The following VPS39 variants were observed in gnomAD, a reference collection of about 807,000 sequenced individuals.
The protein encoded by VPS39 is vam6/Vps39-like protein.
In VPS39, 70 loss-of-function variants were observed where a neutral mutation model predicts 121.0. The observed-to-expected ratio is 0.58, with a 90% CI of 0.48 to 0.71. The LOEUF (loss-of-function observed/expected upper bound fraction) is 0.71, where lower values mean the gene tolerates loss of function less well. Among genes scored for constraint, VPS39 ranks in the 30% least tolerant of loss-of-function variants. VPS39 has a pLI of 0.00. For synonymous variants in VPS39, 378 were observed against 398.1 expected, an observed-to-expected ratio of 0.95 and a Z score of 0.60; for missense variants, 818 against 1,051.5, an observed-to-expected ratio of 0.78 and a Z score of 3.07.
chr15:42,207,958 C>T, intron 1 of VPS39, 123 bp downstream of exon 1: 2 of 1,030,860 alleles, frequency 1.9e-6, no homozygotes, highest in East Asian at 2.6e-5. Context: ...ATCCTAAGCC[C>T]CTCTCGTGTA....
chr15:42,166,463 C>A, intron 15 of VPS39, 100 bp downstream of exon 15: 6 of 1,357,806 alleles, frequency 4.4e-6, no homozygotes, highest in Non-Finnish European at 4.1e-6. Context: ...TGAACACGAG[C>A]ACGGGAGGGA....
rs1028542073 is a variant in VPS39 at position 42,160,391 on chromosome 15, T to C, written c.*363A>G. The C allele has an allele frequency of 1.5e-5, 4 of 267,180 alleles. No homozygotes were observed. Among genetic ancestry groups the C allele is most frequent in the East Asian group, 1.5e-4 (2 of 13,024 alleles). The allele number at this position is 267,180 out of a possible 1,614,324, so 16.6% of individuals were successfully genotyped here. A position where few individuals can be genotyped will look rare whatever the true frequency, so the allele number is the denominator to read the frequency against. On this transcript the variant is annotated 3_prime_UTR_variant, in exon 25 of 25. Transcript: ENST00000318006. ...GGTCCTTGTGAAGTCATGTACTTAA[T>C]AGAAAAGCCCTTGATGAACAACCCC...
At chr15:42,173,449 A>G (rs1019304250) in intron 11 of VPS39, among the ~76,000 whole-genome samples, 1 of 152,236 alleles carries the variant, frequency 6.6e-6, no homozygotes, top group Admixed American at 6.5e-5. Context: ...CATTTGTTGA[A>G]CTGAATGACT....
Position 42,184,552 on chromosome 15 carries a change from C to T in VPS39, c.683G>A (p.Cys228Tyr). The T allele has an allele frequency of 6.2e-7, 1 of 1,613,486 alleles. No homozygotes were observed. Among genetic ancestry groups the T allele is most frequent in the Non-Finnish European group, 8.5e-7 (1 of 1,179,842 alleles). ...LNEEGICTQK[C>Y]ALNWTDIPVA... ...TGGTATGTCCGTCCAGTTCAGGGCA[C>T]ATTTCTGTGTGCAGATCCCTTCCTC... The change falls in exon 8 of 25, where the codon TGT becomes TAT. Residue 228 changes from cysteine to tyrosine, a missense_variant. Physicochemically the swap from Cys to Tyr is radical, Grantham distance 194 (BLOSUM62 -2). Coordinates refer to ENST00000318006, the MANE Select transcript of VPS39 (RefSeq NM_015289.5).
intron 1 of VPS39, among the ~76,000 whole-genome samples, chr15:42,202,693 T>G (rs1272217173): frequency 5.3e-5 from 8 of 152,198 alleles, no homozygotes; most frequent in African/African-American, 1.9e-4. Context: ...TTCTTTATCT[T>G]TTTTAATAGC....
At chr15:42,202,844 T>C (rs1390443394) in intron 1 of VPS39, among the ~76,000 whole-genome samples, 1 of 152,208 alleles carries the variant, frequency 6.6e-6, no homozygotes, top group Non-Finnish European at 1.5e-5. Context: ...TTCTCTCGCA[T>C]TTGCTGTCAG....
chr15:42,187,160 C>T (rs566822423), intron 7 of VPS39, 111 bp downstream of exon 7: 1 of 737,744 alleles, frequency 1.4e-6, no homozygotes. Flanking sequence ...AATAACAAAT[C>T]CTGTTATGCC....
intron 8 of VPS39, among the ~76,000 whole-genome samples, chr15:42,181,745 G>A (rs2049585556): frequency 6.6e-6 from 1 of 150,582 alleles, no homozygotes; most frequent in Non-Finnish European, 1.5e-5. Context: ...TCTCTCTATA[G>A]GCCCGGCTGG....
intron 6 of VPS39, 64 bp from the exon 7 acceptor site, chr15:42,187,427 G>A (rs1332646330): frequency 6.9e-7 from 1 of 1,444,140 alleles, no homozygotes; most frequent in Middle Eastern, 1.8e-4. Context: ...TGACTTTCCT[G>A]TTATTCTGCA....
chr15:42,161,600 G>C (rs780471923), intron 24 of VPS39, 82 bp downstream of exon 24: 1 of 1,385,554 alleles, frequency 7.2e-7, no homozygotes, highest in South Asian at 1.2e-5. Context: ...TCTGTTAAAG[G>C]GCAGAAATCC....
At chr15:42,188,541 C>T (rs1232139273) in intron 5 of VPS39, among the ~76,000 whole-genome samples, 6 of 152,118 alleles carry the variant, frequency 3.9e-5, no homozygotes, top group African/African-American at 1.4e-4. Flanking sequence ...ATGGTTTGTC[C>T]AGGACGAGAG....
chr15:42,194,231 G>A (rs372107991), intron 2 of VPS39, among the ~76,000 whole-genome samples: 1 of 151,968 alleles, frequency 6.6e-6, no homozygotes, highest in African/African-American at 2.4e-5. Context: ...TTGGGAGGCC[G>A]AGAAACCTCC....
chr15:42,184,589 C>T lies in VPS39; in HGVS notation c.646G>A (p.Val216Met). 1 of 1,614,178 alleles carries T rather than the reference C, an allele frequency of 6.2e-7. No homozygotes were observed. The highest frequency in any genetic ancestry group is 8.5e-7 in the Non-Finnish European group (1 of 1,180,024). ...CAGATCCCTTCCTCATTGAGTACCA[C>T]GGTGAGATCATCCTGGCCCACAGCC... is the stretch of plus-strand genomic sequence containing the variant. ...KVAVGQDDLT[V>M]VLNEEGICTQ... The change falls in exon 8 of 25, where the codon GTG becomes ATG. Residue 216 changes from valine (V) to methionine (M), a missense_variant. Physicochemically the swap from Val to Met is conservative, Grantham distance 21. Coordinates refer to ENST00000318006, the MANE Select transcript of VPS39 (RefSeq NM_015289.5).
chr15:42,196,260 G>A (rs1341564311), intron 2 of VPS39, among the ~76,000 whole-genome samples: 4 of 151,828 alleles, frequency 2.6e-5, no homozygotes, highest in African/African-American at 7.3e-5. Context: ...CACAGGCATG[G>A]GCAAGGACTT....
At chr15:42,192,424 C>T (rs1052367593) in intron 2 of VPS39, among the ~76,000 whole-genome samples, 1 of 152,220 alleles carries the variant, frequency 6.6e-6, no homozygotes, top group African/African-American at 2.4e-5. Context: ...CCCAGGCTGA[C>T]TCTAAAGCCT....
chr15:42,181,982 G>A (rs958437868), intron 8 of VPS39, among the ~76,000 whole-genome samples: 8 of 152,186 alleles, frequency 5.3e-5, no homozygotes, highest in African/African-American at 1.9e-4. Flanking sequence ...CCAATGTGCT[G>A]GGATTACAGG....
chr15:42,185,842 G>A (rs2049690088), intron 7 of VPS39, among the ~76,000 whole-genome samples: 1 of 152,164 alleles, frequency 6.6e-6, no homozygotes, highest in Non-Finnish European at 1.5e-5. Flanking sequence ...TCAAAACACA[G>A]AACTGTACAC....
chr15:42,163,297 A>G (rs185838394), intron 21 of VPS39, 53 bp downstream of exon 21: 1 of 1,609,524 alleles, frequency 6.2e-7, no homozygotes, highest in East Asian at 2.2e-5. Context: ...CTCTGGTCAA[A>G]CCAACGGGGA....
At chr15:42,178,716 T>G in intron 8 of VPS39, 146 bp from the exon 9 acceptor site, 14 of 1,201,788 alleles carry the variant, frequency 1.2e-5, no homozygotes, top group Non-Finnish European at 1.6e-5. Flanking sequence ...ACACTGTGAT[T>G]CAGAAAGAAA....
Sources: allele counts gnomAD v4.1 joint callset (sites outside exome capture counted in the v4.1 genomes callset), GRCh38; gene constraint gnomAD v4.1.1; transcripts MANE v1.5; gene names NCBI Gene and HGNC (gene_info 2026-07-23, HGNC 2026-07-21).